Variants in ACVR1C observed in about 807,000 individuals in gnomAD.
ACVR1C encodes the protein activin receptor type-1C.
ACVR1C carries 23 observed loss-of-function variants against 57.9 expected under a neutral mutation model. The ratio of observed to expected loss-of-function variants is 0.40; its 90% confidence interval spans 0.29 to 0.56. ACVR1C has a LOEUF of 0.56. ACVR1C is among the 20% of genes least tolerant of loss of function. The probability of loss-of-function intolerance (pLI) is 0.50; values close to 1 mark genes in which losing one functional copy is unlikely to be tolerated. For synonymous variants in ACVR1C, 214 were observed against 215.3 expected (o/e 0.99, Z 0.05); for missense variants, 480 against 607.9 (o/e 0.79, Z 2.21).
chr2:157,550,734 C>CAAAAAA (rs61211065), intron 3 of ACVR1C, among the ~76,000 whole-genome samples: 2 of 138,618 alleles, frequency 1.4e-5, no homozygotes. Flanking sequence ...AGAGTAAAAG[C>CAAAAAA]AAAAAAAAAA....
intron 2 of ACVR1C, among the ~76,000 whole-genome samples, chr2:157,574,001 A>G (rs1198128592): frequency 6.6e-6 from 1 of 152,252 alleles, no homozygotes; most frequent in Non-Finnish European, 1.5e-5. Context: ...TGAATGAATG[A>G]AATAAATAAG....
chr2:157,538,634 C>T lies in ACVR1C; in HGVS notation c.1295G>A (p.Arg432Lys). ...VPSDPSIEEM[R>K]KVVCDQKFRP... ...AAACTTCTGGTCACAAACAACCTTTCTCATTTCCTCTATCGAGGGATCTGA... is the reference window on the plus strand; with the variant it reads ...AAACTTCTGGTCACAAACAACCTTTTTCATTTCCTCTATCGAGGGATCTGA... Residue 432 changes from arginine to lysine, a missense_variant, in exon 8 of 9, where the codon AGA (arginine) becomes AAA (lysine). Coordinates refer to ENST00000243349, the MANE Select transcript of ACVR1C (RefSeq NM_145259.3). 6.3e-7 allele frequency: 1 copy of T among 1,586,714 alleles called. No individual in the cohort carries two copies. The highest frequency in any genetic ancestry group is 1.2e-5 in the South Asian group (1 of 85,052).
intron 1 of ACVR1C, among the ~76,000 whole-genome samples, chr2:157,626,412 A>C (rs1395547488): frequency 2.0e-5 from 3 of 152,252 alleles, no homozygotes; most frequent in Admixed American, 2.0e-4. Context: ...CAAAGTAAAA[A>C]AGGTTTACTG....
Position 157,554,244 on chromosome 2 carries a change from A to AAAGAAAGAAAGAAAGAAAGAAAGG in ACVR1C, c.544+1848_544+1849insCCTTTCTTTCTTTCTTTCTTTCTT, listed in dbSNP as rs1688012223. On this transcript the variant is annotated intron_variant, in intron 3 of 8. Transcript: ENST00000243349. ...GAAAGAAAGAAAGAAAGAAAGAAAG[A>AAAGAAAGAAAGAAAGAAAGAAAGG]AAGAAAGAAAGAAAGAAAGAAAGAA... is the stretch of plus-strand genomic sequence containing the variant. Among the ~76,000 whole-genome samples, 4 of 136,242 alleles carry AAAGAAAGAAAGAAAGAAAGAAAGG rather than the reference A, an allele frequency of 2.9e-5. No individual in the cohort carries two copies. In the South Asian group the frequency reaches 9.1e-4, roughly 31 times the overall value. The allele number at this position is 136,242 out of a possible 152,430, so 89.4% of individuals were successfully genotyped here. A position where few individuals can be genotyped will look rare whatever the true frequency, so the allele number is the denominator to read the frequency against.
intron 1 of ACVR1C, among the ~76,000 whole-genome samples, chr2:157,595,370 T>A (rs1471664325): frequency 6.6e-6 from 1 of 152,122 alleles, no homozygotes; most frequent in East Asian, 1.9e-4. Context: ...TTAGGGAGGA[T>A]ACAGACTACC....
At chr2:157,623,413 A>C (rs1440393629) in intron 1 of ACVR1C, among the ~76,000 whole-genome samples, 1 of 152,246 alleles carries the variant, frequency 6.6e-6, no homozygotes, top group East Asian at 1.9e-4. Flanking sequence ...ACAATGGAGT[A>C]CTATTCAGCC....
At chr2:157,596,820 A>G (rs1339316392) in intron 1 of ACVR1C, among the ~76,000 whole-genome samples, 1 of 152,212 alleles carries the variant, frequency 6.6e-6, no homozygotes. Flanking sequence ...ACTCTTTGGC[A>G]AAGAGTCAAG....
intron 1 of ACVR1C, among the ~76,000 whole-genome samples, chr2:157,621,392 C>A (rs1682767082): frequency 6.6e-6 from 1 of 152,124 alleles, no homozygotes; most frequent in Admixed American, 6.5e-5. Context: ...TAAATAAGGT[C>A]TTCCTTGTCT....
intron 3 of ACVR1C, among the ~76,000 whole-genome samples, chr2:157,554,305 G>GGA (rs1279459646): frequency 8.1e-6 from 1 of 123,520 alleles, no homozygotes; most frequent in African/African-American, 3.2e-5. Context: ...GAGAAAGAAA[G>GGA]AAAGGAAAAG....
At chr2:157,585,517 G>A (rs1688898248) in intron 2 of ACVR1C, among the ~76,000 whole-genome samples, 1 of 152,086 alleles carries the variant, frequency 6.6e-6, no homozygotes, top group South Asian at 2.1e-4. Flanking sequence ...TTGCATATGA[G>A]ACATCTTGCC....
intron 1 of ACVR1C, among the ~76,000 whole-genome samples, chr2:157,623,953 C>T (rs963635433): frequency 6.6e-6 from 1 of 151,834 alleles, no homozygotes; most frequent in Non-Finnish European, 1.5e-5. Context: ...ACTCTTTATG[C>T]TTAGAATTTT....
At chr2:157,564,513 T>C (rs1235685371) in intron 2 of ACVR1C, among the ~76,000 whole-genome samples, 2 of 152,170 alleles carry the variant, frequency 1.3e-5, no homozygotes, top group Admixed American at 6.6e-5. Context: ...GGTAGGAATG[T>C]AAATTAGCTC....
chr2:157,553,908 T>C (rs1436745414), intron 3 of ACVR1C, among the ~76,000 whole-genome samples: 3 of 151,756 alleles, frequency 2.0e-5, no homozygotes, highest in Admixed American at 6.6e-5. Flanking sequence ...TGTGGCCAGG[T>C]GCAGTGGCTC....
At chr2:157,623,223 G>T (rs1360496582) in intron 1 of ACVR1C, among the ~76,000 whole-genome samples, 1 of 152,076 alleles carries the variant, frequency 6.6e-6, no homozygotes, top group African/African-American at 2.4e-5. Context: ...ATTAAAACTT[G>T]AGCTACCATA....
rs1687421934 is a variant in ACVR1C at position 157,534,026 on chromosome 2, C to T, written c.1374G>A (p.Gly458=). Residue 458 remains glycine (G), a synonymous_variant, in exon 9 of 9, where the codon GGG becomes GGA. Transcript: ENST00000243349. ...CATACCAACACTCACGCATTATTCT[C>T]CCCATGACTCGGAGTGCCTTTAAGA... is the stretch of plus-strand genomic sequence containing the variant. ...WQSCEALRVM[G]RIMRECWYAN... 3 of 1,574,204 alleles carry T rather than the reference C, an allele frequency of 1.9e-6. No homozygotes were observed. Among genetic ancestry groups the T allele is most frequent in the Non-Finnish European group, 2.6e-6 (3 of 1,164,402 alleles).
intron 8 of ACVR1C, among the ~76,000 whole-genome samples, chr2:157,537,784 C>A (rs149114746): frequency 4.1e-4 from 62 of 152,302 alleles, no homozygotes; most frequent in African/African-American, 1.5e-3. Context: ...TTTTTCCCAC[C>A]TTCTACTCTT....
chr2:157,548,310 T>C (rs1687819463), intron 4 of ACVR1C, among the ~76,000 whole-genome samples: 1 of 146,098 alleles, frequency 6.8e-6, no homozygotes, highest in East Asian at 2.0e-4. Flanking sequence ...CATTCCATGC[T>C]CATGGGTAGG....
chr2:157,627,224 T>A (rs764162936), intron 1 of ACVR1C, among the ~76,000 whole-genome samples: 1 of 152,182 alleles, frequency 6.6e-6, no homozygotes, highest in East Asian at 1.9e-4. Context: ...TTGTAAACTC[T>A]ATTAAATTGT....
At chr2:157,586,613 GC>G (rs1688927182) in intron 2 of ACVR1C, among the ~76,000 whole-genome samples, 1 of 152,094 alleles carries the variant, frequency 6.6e-6, no homozygotes, top group Non-Finnish European at 1.5e-5. Context: ...TTGGGATAAA[GC>G]ACTGTATAAT....
Sources: gnomAD v4.1 joint callset for allele counts (sites outside exome capture counted in the v4.1 genomes callset) on GRCh38, gnomAD v4.1.1 for gene constraint, MANE v1.5 for transcripts, NCBI Gene and HGNC (gene_info 2026-07-23, HGNC 2026-07-21) for gene names.